Variants in TLE3 observed in about 807,000 individuals in gnomAD.
The protein encoded by TLE3 is TLE family member 3, transcriptional corepressor.
Under a neutral mutation model 93.0 loss-of-function variants are expected in TLE3, and 14 were observed. The ratio of observed to expected loss-of-function variants is 0.15; its 90% CI spans 0.10 to 0.24. The LOEUF is 0.24. TLE3 is among the 10% of genes least tolerant of loss of function. The pLI, the probability that TLE3 is intolerant of heterozygous loss-of-function variation, is 1.00. For synonymous variants in TLE3, 451 were observed against 425.0 expected, an observed-to-expected ratio of 1.06 and a Z score of -0.75; for missense variants, 693 against 1,046.6, an observed-to-expected ratio of 0.66 and a Z score of 4.66.
intron 13 of TLE3, among the ~76,000 whole-genome samples, chr15:70,057,162 C>G (rs777179063): frequency 2.6e-5 from 4 of 152,246 alleles, no homozygotes; most frequent in Non-Finnish European, 2.9e-5. Flanking sequence ...ATTCCTACCC[C>G]CCAGAGCTGG....
At chr15:70,062,124 C>T (rs780218697) in intron 8 of TLE3, among the ~76,000 whole-genome samples, 1 of 152,048 alleles carries the variant, frequency 6.6e-6, no homozygotes, top group Non-Finnish European at 1.5e-5. Flanking sequence ...AGTTTCTGCC[C>T]GAAGCAAATT....
intron 4 of TLE3, among the ~76,000 whole-genome samples, chr15:70,091,453 G>A (rs1026399778): frequency 1.1e-4 from 16 of 152,324 alleles, no homozygotes; most frequent in African/African-American, 3.6e-4. Context: ...GTGATGAGCC[G>A]GTCAGTCATC....
chr15:70,048,649 G>GA lies in TLE3; in HGVS notation c.*1447dup, dbSNP rs71794409. Reference sequence around the variant, plus strand: ...AGGAGAAAAAAAAAAAGACCAAAAGGAAAAAAAAAACAAACAAAAAAAACC... The same window carrying GA: ...AGGAGAAAAAAAAAAAGACCAAAAGGAAAAAAAAAAACAAACAAAAAAAACC... On this transcript the variant is annotated 3_prime_UTR_variant, in exon 20 of 20. Coordinates refer to ENST00000451782, the MANE Select transcript of TLE3 (RefSeq NM_001105192.3). The GA allele has an allele frequency of 0.098, 14,345 of 145,848 alleles. 886 individuals carry two copies. The highest frequency in any genetic ancestry group is 0.14 in the Non-Finnish European group (9,253 of 66,200). The allele number at this position is 145,848 out of a possible 1,614,324, so 9.0% of individuals were successfully genotyped here. A position where few individuals can be genotyped will look rare whatever the true frequency, so the allele number is the denominator to read the frequency against.
chr15:70,061,781 G>T (rs2056490326), intron 8 of TLE3, among the ~76,000 whole-genome samples: 1 of 152,216 alleles, frequency 6.6e-6, no homozygotes, highest in African/African-American at 2.4e-5. Flanking sequence ...CAGAATGAAT[G>T]AGATACAATC....
rs540637368 is a variant in TLE3 at position 70,054,871 on chromosome 15, G to A, written c.1578+178C>T. 9 of 1,218,586 alleles carry A rather than the reference G, an allele frequency of 7.4e-6. No individual in the cohort carries two copies. The South Asian group carries it at 9.6e-5, about 13-fold the overall frequency. The allele number at this position is 1,218,586 out of a possible 1,614,324, so 75.5% of individuals were successfully genotyped here. On this transcript the variant is annotated intron_variant, in intron 15 of 19. Transcript: ENST00000451782. ...TTTGATCTTTCATGAATACCAGGAG[G>A]TCAGAATCAGCCCCACACACAGAAG...
At chr15:70,063,326 G>A (rs1032390615) in intron 8 of TLE3, among the ~76,000 whole-genome samples, 14 of 152,204 alleles carry the variant, frequency 9.2e-5, no homozygotes, top group African/African-American at 3.1e-4. Flanking sequence ...GATCAGTACC[G>A]AGGCAGTGAA....
intron 6 of TLE3, among the ~76,000 whole-genome samples, chr15:70,069,353 C>G (rs1335551649): frequency 1.3e-5 from 2 of 152,296 alleles, no homozygotes; most frequent in Admixed American, 1.3e-4. Flanking sequence ...GTCCTGCTTG[C>G]CCAAAACATG....
At chr15:70,065,482 CTG>C (rs1192059587) in intron 7 of TLE3, among the ~76,000 whole-genome samples, 5 of 152,240 alleles carry the variant, frequency 3.3e-5, no homozygotes, top group Non-Finnish European at 5.9e-5. Flanking sequence ...TGAGCACTGA[CTG>C]TGCACCTTTC....
At chr15:70,055,436 C>A (rs1566986562) in intron 14 of TLE3, 138 bp from the exon 15 acceptor site, 5 of 1,260,320 alleles carry the variant, frequency 4.0e-6, no homozygotes, top group East Asian at 2.5e-5. Context: ...CCATTCGAAC[C>A]CAGTAACCCC....
chr15:70,053,125 G>A, intron 17 of TLE3, 102 bp downstream of exon 17: 2 of 1,435,920 alleles, frequency 1.4e-6, no homozygotes, highest in Non-Finnish European at 1.9e-6. Flanking sequence ...TCTTGGCCGT[G>A]GCCACTCTGT....
chr15:70,086,094 C>A (rs1412479164), intron 4 of TLE3, among the ~76,000 whole-genome samples: 1 of 152,168 alleles, frequency 6.6e-6, no homozygotes, highest in Non-Finnish European at 1.5e-5. Context: ...ACCAGTTAGA[C>A]CCTCACTCCA....
chr15:70,064,821 C>A (rs950755536), intron 7 of TLE3, among the ~76,000 whole-genome samples: 1 of 149,316 alleles, frequency 6.7e-6, no homozygotes, highest in Non-Finnish European at 1.5e-5. Context: ...CTTTAGCAGG[C>A]TAGGGGTCTT....
At chr15:70,051,221 G>T in intron 19 of TLE3, 170 bp downstream of exon 19, 1 of 595,090 alleles carries the variant, frequency 1.7e-6, no homozygotes. Flanking sequence ...GTCCTTGGGA[G>T]AACCCAATCT....
chr15:70,059,176 G>A (rs554167150), intron 10 of TLE3, among the ~76,000 whole-genome samples: 1 of 152,232 alleles, frequency 6.6e-6, no homozygotes, highest in Admixed American at 6.5e-5. Context: ...CTTTGGGGGT[G>A]TCTCTCTGGA....
At chr15:70,083,940 A>T (rs899151159) in intron 4 of TLE3, among the ~76,000 whole-genome samples, 1 of 152,228 alleles carries the variant, frequency 6.6e-6, no homozygotes, top group Non-Finnish European at 1.5e-5. Context: ...CCTGTTCCGT[A>T]AATTAAAATA....
chr15:70,091,395 G>T (rs1387135478), intron 4 of TLE3, among the ~76,000 whole-genome samples: 1 of 152,222 alleles, frequency 6.6e-6, no homozygotes, highest in African/African-American at 2.4e-5. Context: ...AGCTGGCTTT[G>T]TTATTTGTGG....
chr15:70,076,542 T>C (rs2057455013), intron 4 of TLE3, among the ~76,000 whole-genome samples: 1 of 152,132 alleles, frequency 6.6e-6, no homozygotes, highest in African/African-American at 2.4e-5. Context: ...GAGAGAGGAA[T>C]TGCTCTGCCC....
chr15:70,087,713 C>T (rs1163632816), intron 4 of TLE3, among the ~76,000 whole-genome samples: 1 of 152,166 alleles, frequency 6.6e-6, no homozygotes, highest in Non-Finnish European at 1.5e-5. Flanking sequence ...CCTCTCAGGC[C>T]CCACAGATGG....
At chr15:70,057,361 C>A in intron 13 of TLE3, 98 bp downstream of exon 13, 1 of 1,408,204 alleles carries the variant, frequency 7.1e-7, no homozygotes, top group Non-Finnish European at 9.5e-7. Flanking sequence ...GCCTTGAGAC[C>A]CTGAGGGGCC....
Sources: allele counts gnomAD v4.1 joint callset (sites outside exome capture counted in the v4.1 genomes callset), GRCh38; gene constraint gnomAD v4.1.1; transcripts MANE v1.5; gene names NCBI Gene and HGNC (gene_info 2026-07-23, HGNC 2026-07-21).